The following PDGFRA variants were observed in gnomAD, a reference collection of about 807,000 sequenced individuals.
PDGFRA encodes platelet derived growth factor receptor alpha, also known as platelet-derived growth factor receptor alpha.
Under a neutral mutation model 121.5 loss-of-function variants are expected in PDGFRA, and 25 were observed. The ratio of observed to expected loss-of-function variants is 0.21; its 90% CI spans 0.15 to 0.29. The LOEUF (loss-of-function observed/expected upper bound fraction) is 0.29, where lower values mean the gene tolerates loss of function less well. PDGFRA is among the 10% of genes least tolerant of loss of function. PDGFRA has a pLI of 1.00. For missense variants in PDGFRA, 1,008 were observed against 1,345.1 expected, an observed-to-expected ratio of 0.75 and a Z score of 3.92; for synonymous variants, 463 against 494.8, an observed-to-expected ratio of 0.94 and a Z score of 0.85.
intron 16 of PDGFRA, chr4:54,281,742 A>C: frequency 3.0e-6 from 4 of 1,353,762 alleles, no homozygotes; most frequent in Non-Finnish European, 3.9e-6. Context: ...ATTTTCAAAA[A>C]GAATTGAGAA....
rs752649434 is a variant in PDGFRA, at chr4:54,267,424, G to A, written c.895G>A (p.Val299Ile). The A allele has an allele frequency of 1.2e-6, 2 of 1,614,196 alleles. No individual in the cohort carries two copies. Among genetic ancestry groups the A allele is most frequent in the Non-Finnish European group, 1.7e-6 (2 of 1,180,030 alleles). ...ECAARQATRE[V>I]KEMKKVTISV... ...TGCTGCCCGCCAGGCTACCAGGGAG[G>A]TCAAAGAAATGAAGAAAGTCACTAT... Residue 299 changes from valine (V) to isoleucine (I), a missense_variant, in exon 6 of 23, where the codon GTC becomes ATC. Coordinates refer to ENST00000257290, the MANE Select transcript of PDGFRA (RefSeq NM_006206.6).
chr4:54,273,512 A>G (rs1168962967), intron 9 of PDGFRA, 25 bp from the exon 10 acceptor site: 1 of 1,602,672 alleles, frequency 6.2e-7, no homozygotes, highest in East Asian at 2.2e-5. Context: ...AATTGGCCCT[A>G]TACTTAGGCC....
chr4:54,236,436 T>G (rs112591060), intron 1 of PDGFRA, among the ~76,000 whole-genome samples: 25 of 152,324 alleles, frequency 1.6e-4, no homozygotes, highest in African/African-American at 5.8e-4. Flanking sequence ...TTTTCTTCAT[T>G]ACCTCCCTGT....
intron 22 of PDGFRA, among the ~76,000 whole-genome samples, chr4:54,293,942 T>TG (rs56396915): frequency 6.6e-5 from 10 of 151,390 alleles, no homozygotes; most frequent in Non-Finnish European, 1.2e-4. Flanking sequence ...TGTGTGTGTG[T>TG]TTTCCTCTTC....
At chr4:54,264,030 C>A in intron 4 of PDGFRA, 103 bp downstream of exon 4, 1 of 1,016,818 alleles carries the variant, frequency 9.8e-7, no homozygotes, top group Non-Finnish European at 1.5e-6. Context: ...CACTGGTGAT[C>A]CTAAATTCTG....
Position 54,273,666 on chromosome 4 carries a change from C to T in PDGFRA, c.1494C>T (p.Ala498=), listed in dbSNP as rs200434193. 78 of 1,613,934 alleles carry T rather than the reference C, an allele frequency of 4.8e-5. No individual in the cohort carries two copies. Among genetic ancestry groups the T allele is most frequent in the Middle Eastern group, 3.3e-4 (2 of 6,082 alleles). ...TCGCCAAAGTGGAGGAGACCATCGC[C>T]GTGCGATGCCTGGCTAAGAATCTCC... The part of the protein sequence containing the change: ...VTFAKVEETI[A]VRCLAKNLLG... The change falls in exon 10 of 23, where the codon GCC becomes GCT. Residue 498 remains alanine, a synonymous_variant. Transcript: ENST00000257290.
chr4:54,266,721 CTGTAA>C lies in PDGFRA; in HGVS notation c.760-566_760-562del, dbSNP rs547156501. Among the ~76,000 whole-genome samples, 1,075 of 152,230 alleles carry C rather than the reference CTGTAA, an allele frequency of 7.1e-3. 13 individuals carry two copies. Among genetic ancestry groups the C allele is most frequent in the African/African-American group, 0.024 (1,014 of 41,534 alleles). On this transcript the variant is annotated intron_variant, in intron 5 of 22. Coordinates refer to ENST00000257290, the MANE Select transcript of PDGFRA (RefSeq NM_006206.6). Reference sequence around the variant, plus strand: ...ATGGGCTGGGTGTGGTGGCTCATGCCTGTAATCCCAGTACTTTGGGAGGCTGAGGC... The same window carrying C: ...ATGGGCTGGGTGTGGTGGCTCATGCCTCCCAGTACTTTGGGAGGCTGAGGC...
Position 54,289,813 on chromosome 4 carries a change from G to C in PDGFRA, c.2881-500G>C, listed in dbSNP as rs10004857. Among the ~76,000 whole-genome samples the C allele has an allele frequency of 2.0e-5, 3 of 152,114 alleles. No individual in the cohort carries two copies. In the East Asian group the frequency reaches 5.8e-4, roughly 29 times the overall value. On this transcript the variant is annotated intron_variant, in intron 21 of 22. Transcript: ENST00000257290. ...CTTTCACAGGTGAGGCAGTGAGGAG[G>C]CAGAAGGAAATTAACCCTCAGTTGG...
intron 1 of PDGFRA, among the ~76,000 whole-genome samples, chr4:54,246,519 G>A (rs1341216292): frequency 6.6e-6 from 1 of 152,136 alleles, no homozygotes; most frequent in African/African-American, 2.4e-5. Context: ...TTGAACCGAC[G>A]AGAACAAAGA....
At chr4:54,259,070 G>T (rs565409862) in intron 2 of PDGFRA, among the ~76,000 whole-genome samples, 4 of 152,266 alleles carry the variant, frequency 2.6e-5, no homozygotes, top group Non-Finnish European at 4.4e-5. Context: ...TTGAAATGTT[G>T]TTAGTAATAA....
intron 1 of PDGFRA, among the ~76,000 whole-genome samples, chr4:54,231,621 A>G (rs952775342): frequency 6.6e-6 from 1 of 152,092 alleles, no homozygotes; most frequent in Admixed American, 6.5e-5. Flanking sequence ...AACCCTCAAG[A>G]TGAGGAGGCC....
chr4:54,267,852 A>G (rs975607695), intron 7 of PDGFRA, 111 bp downstream of exon 7: 1 of 836,792 alleles, frequency 1.2e-6, no homozygotes, highest in Non-Finnish European at 2.0e-6. Flanking sequence ...AAAATGTAAC[A>G]ATCTGAGTTA....
chr4:54,278,223 TAAAAA>T (rs5858262), intron 14 of PDGFRA, 134 bp from the exon 15 acceptor site: 374 of 547,324 alleles, frequency 6.8e-4, no homozygotes, highest in Admixed American at 1.2e-3. Context: ...GGCTCTTTAT[TAAAAA>T]AAAAAAAAAA....
intron 13 of PDGFRA, 149 bp downstream of exon 13, chr4:54,277,641 G>T: frequency 2.8e-6 from 2 of 719,616 alleles, no homozygotes; most frequent in South Asian, 3.1e-5. Flanking sequence ...TGTGTATTTA[G>T]ATTAGGTTTA....
Position 54,280,436 on chromosome 4 carries a change from A to G in PDGFRA, c.2277A>G (p.Arg759=). ...TTTCTAAATATTCCGACATCCAGAG[A>G]TCACTCTATGATCGTCCAGCCTCAT... ...KEVSKYSDIQ[R]SLYDRPASYK... The change falls in exon 16 of 23, where the codon AGA becomes AGG. Residue 759 remains arginine (R), a synonymous_variant. Transcript: ENST00000257290. 6.2e-7 allele frequency: 1 copy of G among 1,613,856 alleles called. No homozygotes were observed. The highest frequency in any genetic ancestry group is 1.1e-5 in the South Asian group (1 of 91,082).
intron 1 of PDGFRA, among the ~76,000 whole-genome samples, chr4:54,237,866 A>G (rs1413917805): frequency 3.9e-5 from 6 of 152,204 alleles, no homozygotes; most frequent in Non-Finnish European, 2.9e-5. Flanking sequence ...TATGGCTAAA[A>G]CACTGACCTT....
At chr4:54,265,714 A>T (rs1044339450) in intron 5 of PDGFRA, among the ~76,000 whole-genome samples, 1 of 152,206 alleles carries the variant, frequency 6.6e-6, no homozygotes, top group African/African-American at 2.4e-5. Flanking sequence ...TGGTCACTGG[A>T]GATTTACAGA....
rs952413151 is a variant in PDGFRA at position 54,290,409 on chromosome 4, T to A, written c.2977T>A (p.Tyr993Asn). 8.1e-6 allele frequency: 13 copies of A among 1,613,860 alleles called. No individual in the cohort carries two copies. Among genetic ancestry groups the A allele is most frequent in the Non-Finnish European group, 1.1e-5 (13 of 1,179,830 alleles). ...AGACAATGCATACATTGGTGTCACC[T>A]ACAAAAACGAGGAAGACAAGCTGAA... ...DSDNAYIGVT[Y>N]KNEEDKLKDW... The change falls in exon 22 of 23, where the codon TAC becomes AAC. Residue 993 changes from tyrosine (Y) to asparagine (N), a missense_variant. This residue lies in a region of PDGFRA where 204 missense variants were observed against 243.0 expected (regional missense o/e 0.84). Transcript: ENST00000257290.
In PDGFRA at chr4:54,277,450, C is replaced by T. The variant is rs878854825; in HGVS notation, c.1849C>T (p.Arg617Trp). 10 of 1,613,976 alleles carry T rather than the reference C, an allele frequency of 6.2e-6. No homozygotes were observed. The highest frequency in any genetic ancestry group is 4.5e-5 in the East Asian group (2 of 44,866). ...VVEGTAYGLSRSQPVMKVAVK... is the reference protein window; with the variant it reads ...VVEGTAYGLSWSQPVMKVAVK... The stretch of plus-strand genomic sequence containing the variant: ...TGAAGGAACAGCCTATGGATTAAGC[C>T]GGTCCCAACCTGTCATGAAAGTTGC... The change falls in exon 13 of 23, where the codon CGG (arginine) becomes TGG (tryptophan). Residue 617 changes from arginine (R) to tryptophan (W), a missense_variant. Arg to Trp is a moderately radical substitution (Grantham distance 101). Coordinates refer to ENST00000257290, the MANE Select transcript of PDGFRA (RefSeq NM_006206.6).
Sources: allele counts gnomAD v4.1 joint callset (sites outside exome capture counted in the v4.1 genomes callset), GRCh38; gene constraint gnomAD v4.1.1; regional missense constraint gnomAD v4.1.1; transcripts MANE v1.5; gene names NCBI Gene and HGNC (gene_info 2026-07-23, HGNC 2026-07-21).